The following TTN variants were observed in gnomAD, a reference collection of about 807,000 sequenced individuals.
TTN encodes the protein titin.
TTN carries 1,525 observed loss-of-function variants against 3,223.0 expected under a neutral mutation model. That is an observed-to-expected ratio of 0.47 (90% confidence interval 0.45 to 0.49). The LOEUF is 0.49. Ranked by LOEUF, TTN falls within the 20% of genes least tolerant of loss-of-function variation. The pLI is 0.00. For synonymous variants in TTN, 14,094 were observed against 15,161.0 expected, an observed-to-expected ratio of 0.93 and a Z score of 5.17; for missense variants, 40,786 against 43,424.0, an observed-to-expected ratio of 0.94 and a Z score of 5.40.
intron 350 of TTN, among the ~76,000 whole-genome samples, chr2:178,540,780 A>G (rs1473000349): frequency 6.6e-6 from 1 of 152,198 alleles, no homozygotes; most frequent in East Asian, 1.9e-4. Flanking sequence ...TGGGTGACAG[A>G]GTGAGACTCT....
chr2:178,651,467 G>A lies in TTN; in HGVS notation c.39533C>T (p.Ala13178Val). ...VPLVVPKKPE[A>V]PPAKVPEVPK... Reference sequence around the variant, plus strand: ...GCCACATATACCTTTAGCAGGTGGGGCTTCTGGCTTTTTGGGAACCACCAG... The same window carrying A: ...GCCACATATACCTTTAGCAGGTGGGACTTCTGGCTTTTTGGGAACCACCAG... Residue 13178 changes from alanine to valine, a missense_variant, in exon 207 of 363, where the codon GCC (alanine) becomes GTC (valine). Physicochemically the swap from Ala to Val is moderately conservative, Grantham distance 64 (BLOSUM62 0). Transcript: ENST00000589042. 1 of 1,611,280 alleles carries A rather than the reference G, an allele frequency of 6.2e-7. No individual in the cohort carries two copies.
chr2:178,662,729 CTT>C lies in TTN; in HGVS notation c.36872_36873del (p.Lys12291SerfsTer3). 4 of 1,199,322 alleles carry C rather than the reference CTT, an allele frequency of 3.3e-6. No homozygotes were observed. The highest frequency in any genetic ancestry group is 4.6e-6 in the Non-Finnish European group (4 of 863,956). The allele number at this position is 1,199,322 out of a possible 1,614,324, so 74.3% of individuals were successfully genotyped here. A position where few individuals can be genotyped will look rare whatever the true frequency, so the allele number is the denominator to read the frequency against. On this transcript the variant is annotated frameshift_variant and splice_region_variant, in exon 175 of 363. Transcript: ENST00000589042. LOFTEE classifies it high-confidence loss of function. Reference sequence around the variant, plus strand: ...TTAGCAGAGGAGAGGGAATAAATACCTTTTGCACGTGGGGCTTCCGGTTTTTT... The same window carrying C: ...TTAGCAGAGGAGAGGGAATAAATACCTTGCACGTGGGGCTTCCGGTTTTTT... ...VPKKPEAPRA[K>X]VPEAAQEVVP...
At chr2:178,783,334 G>C (rs2092936726) in intron 17 of TTN, among the ~76,000 whole-genome samples, 1 of 152,090 alleles carries the variant, frequency 6.6e-6, no homozygotes, top group South Asian at 2.1e-4. Context: ...TGCCTCCCAT[G>C]GATTCTCCTT....
rs774834309 is a variant in TTN at position 178,723,071 on chromosome 2, A to T, written c.21936T>A (p.Val7312=). 6.2e-7 allele frequency: 1 copy of T among 1,613,580 alleles called. No individual in the cohort carries two copies. Among genetic ancestry groups the T allele is most frequent in the Non-Finnish European group, 8.5e-7 (1 of 1,179,630 alleles). The part of the protein sequence containing the change: ...CEIENEAGRD[V]CGALVSTLEP... ...CTAATGTAGATACCAGAGCTCCACA[A>T]ACATCCCTTCCTGCCTCATTTTCAA... Residue 7312 remains valine, a synonymous_variant, in exon 75 of 363, where the codon GTT becomes GTA. Transcript: ENST00000589042.
chr2:178,567,103 G>T lies in TTN; in HGVS notation c.79029C>A (p.Thr26343=). The change falls in exon 326 of 363, where the codon ACC becomes ACA. Residue 26343 remains threonine, a synonymous_variant. Transcript: ENST00000589042. ...AGAGTTTGGTAACTTTCAGAGAATTGGTCACAACTTCTGAAGCAACAACAG... is the reference window on the plus strand; with the variant it reads ...AGAGTTTGGTAACTTTCAGAGAATTTGTCACAACTTCTGAAGCAACAACAG... ...AWTVVASEVV[T]NSLKVTKLLE... The T allele has an allele frequency of 1.9e-6, 3 of 1,613,434 alleles. No individual in the cohort carries two copies. Among genetic ancestry groups the T allele is most frequent in the Non-Finnish European group, 2.5e-6 (3 of 1,179,578 alleles).
Position 178,747,860 on chromosome 2 carries a change from AT to A in TTN, c.11311+5263del, listed in dbSNP as rs753092616. 54 of 1,612,792 alleles carry A rather than the reference AT, an allele frequency of 3.3e-5. 1 individual carries two copies. The highest frequency in any genetic ancestry group is 8.4e-5 in the Admixed American group (5 of 59,834). On this transcript the variant is annotated intron_variant, in intron 47 of 362. Coordinates refer to ENST00000589042, the MANE Select transcript of TTN (RefSeq NM_001267550.2). ...TCCAGAGGCATGAATGTTTGTACTTATTTGTTCACCTGGATTCTGTTGTTCT... is the reference window on the plus strand; with the variant it reads ...TCCAGAGGCATGAATGTTTGTACTTATTGTTCACCTGGATTCTGTTGTTCT...
At position 178,802,298 on chromosome 2, in the gene TTN, C is replaced by A. The variant is rs1189066391; in HGVS notation, c.135G>T (p.Val45=). ...CGCCGGGCAGAGTGGAAGTGGAAAT[C>A]ACCTGGCCATCCCTAAACCAGCTCA... ...PEVSWFRDGQ[V]ISTSTLPGVQ... is the part of the protein sequence containing the mutation. The change falls in exon 3 of 363, where the codon GTG becomes GTT. Residue 45 remains valine (V), a synonymous_variant. Transcript: ENST00000589042. 1.2e-5 allele frequency: 20 copies of A among 1,614,000 alleles called. No homozygotes were observed. The highest frequency in any genetic ancestry group is 1.7e-5 in the Non-Finnish European group (20 of 1,180,014).
rs2056994020 is a variant in TTN at position 178,614,771 on chromosome 2, A to G, written c.48761-18T>C. The G allele has an allele frequency of 1.2e-6, 2 of 1,603,270 alleles. No individual in the cohort carries two copies. The highest frequency in any genetic ancestry group is 2.3e-5 in the East Asian group (1 of 44,362). On this transcript the variant is annotated intron_variant, in intron 260 of 362. Coordinates refer to ENST00000589042, the MANE Select transcript of TTN (RefSeq NM_001267550.2). ...TGGGGCCTCTGAATTGGAAAAGATT[A>G]TTTATGATGTTATCAAGTTCAAGCA...
In TTN at chr2:178,757,634, G is replaced by A; in HGVS notation, c.10586C>T (p.Ala3529Val). 6.2e-7 allele frequency: 1 copy of A among 1,613,684 alleles called. No individual in the cohort carries two copies. Among genetic ancestry groups the A allele is most frequent in the Non-Finnish European group, 8.5e-7 (1 of 1,179,694 alleles). The stretch of plus-strand genomic sequence containing the variant: ...GTACTGCCCAGCATGCTCTGAGTAA[G>A]CATCAACTATAAGCATTAAAGCCAT... ...TGMALMLIVD[A>V]YSEHAGQYSC... The change falls in exon 45 of 363, where the codon GCT becomes GTT. Residue 3529 changes from alanine to valine, a missense_variant. By Grantham distance (64) the Ala-to-Val change is moderately conservative. Transcript: ENST00000589042.
intron 6 of TTN, among the ~76,000 whole-genome samples, chr2:178,796,152 C>A (rs2093757744): frequency 6.6e-6 from 1 of 152,166 alleles, no homozygotes; most frequent in Non-Finnish European, 1.5e-5. Context: ...CCAAAAAAGA[C>A]TATTTCTGAT....
At chr2:178,650,020 T>G in intron 210 of TTN, 126 bp from the exon 211 acceptor site, 1 of 1,307,194 alleles carries the variant, frequency 7.6e-7, no homozygotes, top group South Asian at 1.3e-5. Flanking sequence ...GTCCAAAGTT[T>G]TATGTGTAGA....
intron 10 of TTN, among the ~76,000 whole-genome samples, chr2:178,791,634 C>A (rs147283317): frequency 2.0e-5 from 3 of 149,138 alleles, no homozygotes; most frequent in Admixed American, 6.7e-5. Context: ...GCTATTTATT[C>A]GGGGTGTTTA....
intron 149 of TTN, among the ~76,000 whole-genome samples, chr2:178,675,447 T>C (rs562396063): frequency 7.3e-5 from 11 of 151,678 alleles, no homozygotes; most frequent in Admixed American, 6.6e-5. Flanking sequence ...TTTAAAGATA[T>C]ATTTTTATTT....
At chr2:178,700,623 T>A (rs529902202) in intron 111 of TTN, among the ~76,000 whole-genome samples, 2 of 152,342 alleles carry the variant, frequency 1.3e-5, no homozygotes, top group South Asian at 4.1e-4. Flanking sequence ...ATTGGTGAGA[T>A]CATGCCTTAG....
chr2:178,719,639 G>C lies in TTN; in HGVS notation c.23853C>G (p.Ala7951=). ...NKVASLKIPC[A]EMSDKGLYSF... ...TATATAATCCTTTGTCACTCATTTC[G>C]GCACAGGGGATTTTAAGGGAAGCCA... Residue 7951 remains alanine, a synonymous_variant, in exon 82 of 363, where the codon GCC becomes GCG. Transcript: ENST00000589042. The C allele has an allele frequency of 6.2e-7, 1 of 1,613,578 alleles. No homozygotes were observed.
intron 217 of TTN, 103 bp from the exon 218 acceptor site, chr2:178,644,719 GA>G: frequency 1.1e-6 from 1 of 889,490 alleles, no homozygotes; most frequent in East Asian, 3.1e-5. Flanking sequence ...CTTATAACCA[GA>G]AAGCATTAAT....
Position 178,777,260 on chromosome 2 carries a change from T to C in TTN, c.4703A>G (p.Lys1568Arg). ...TTTCATTTCAAGTCGGGAACCTTCC[T>C]TTATATTGACATTTTTCAGTTTTTC... Reference protein sequence around the residue: ...FVEKLKNVNIKEGSRLEMKVR... With the variant: ...FVEKLKNVNIREGSRLEMKVR... The change falls in exon 27 of 363, where the codon AAG becomes AGG. Residue 1568 changes from lysine to arginine, a missense_variant. Coordinates refer to ENST00000589042, the MANE Select transcript of TTN (RefSeq NM_001267550.2). 6.2e-7 allele frequency: 1 copy of C among 1,614,116 alleles called. No homozygotes were observed. The highest frequency in any genetic ancestry group is 8.5e-7 in the Non-Finnish European group (1 of 1,179,978).
chr2:178,646,059 A>C, intron 216 of TTN, 29 bp from the exon 217 acceptor site: 1 of 1,276,354 alleles, frequency 7.8e-7, no homozygotes, highest in Non-Finnish European at 1.0e-6. Context: ...AGGTGTTAGT[A>C]TATGTATATG....
rs1359547274 is a variant in TTN, at chr2:178,565,124, C to T, written c.81008G>A (p.Cys27003Tyr). The change falls in exon 326 of 363, where the codon TGC (cysteine) becomes TAC (tyrosine). Residue 27003 changes from cysteine to tyrosine, a missense_variant. By Grantham distance (194) the Cys-to-Tyr change is radical (BLOSUM62 -2). Coordinates refer to ENST00000589042, the MANE Select transcript of TTN (RefSeq NM_001267550.2). ...CTCTACAATGTAGTTGCTTATTTGG[C>T]AGCCACCAGTATAGGCTGGAGGTTC... ...SWEPPAYTGG[C>Y]QISNYIVEKR... 6.2e-7 allele frequency: 1 copy of T among 1,613,424 alleles called. No individual in the cohort carries two copies.
Sources: allele counts gnomAD v4.1 joint callset (sites outside exome capture counted in the v4.1 genomes callset), GRCh38; gene constraint gnomAD v4.1.1; transcripts MANE v1.5; gene names NCBI Gene and HGNC (gene_info 2026-07-23, HGNC 2026-07-21).